Variants in PDZD4 observed in about 807,000 individuals in gnomAD.
The protein encoded by PDZD4 is PDZ domain-containing protein 4.
In PDZD4, 9 loss-of-function variants were observed where a neutral mutation model predicts 38.5. That is an observed-to-expected ratio of 0.23 (90% confidence interval 0.14 to 0.41). The LOEUF is 0.41. Among genes scored for constraint, PDZD4 ranks in the 10% least tolerant of loss-of-function variants. The pLI, the probability that PDZD4 is intolerant of heterozygous loss-of-function variation, is 1.00. For missense variants in PDZD4, 612 were observed against 722.0 expected (o/e 0.85, Z 1.75); for synonymous variants, 349 against 315.7 (o/e 1.11, Z -1.12).
In PDZD4 at chrX:153,830,407, G is replaced by A. The variant is rs1316174751; in HGVS notation, c.-109C>T. ...CCGGGGCCAGGGGCCATACCCTGGC[G>A]CGGGGGGCGGGCCGCCTAGCGGGGG... On this transcript the variant is annotated 5_prime_UTR_variant, in exon 1 of 8. Coordinates refer to ENST00000393758, the MANE Select transcript of PDZD4 (RefSeq NM_001303512.2). 9.3e-6 allele frequency: 6 copies of A among 643,774 alleles called. No individual in the cohort carries two copies. The highest frequency in any genetic ancestry group is 2.9e-5 in the South Asian group (1 of 33,979). The allele number at this position is 643,774 out of a possible 1,213,427, so 53.1% of individuals were successfully genotyped here. A position where few individuals can be genotyped will look rare whatever the true frequency, so the allele number is the denominator to read the frequency against.
rs1294214272 is a variant in PDZD4, at chrX:153,802,558, C to T, written c.*795G>A. 8.9e-6 allele frequency: 1 copy of T among 111,811 alleles called. No individual in the cohort carries two copies. Among genetic ancestry groups the T allele is most frequent in the Non-Finnish European group, 1.9e-5 (1 of 52,976 alleles). 9.2% of individuals were successfully genotyped at this position (111,811 alleles called of 1,213,427 possible). On this transcript the variant is annotated 3_prime_UTR_variant, in exon 8 of 8. Transcript: ENST00000393758. ...TCTTGGTGGACACCCTGCAGGACCCCTCCGTTCCTGCAGTCTTGCTCTCTC... is the reference window on the plus strand; with the variant it reads ...TCTTGGTGGACACCCTGCAGGACCCTTCCGTTCCTGCAGTCTTGCTCTCTC...
intron 1 of PDZD4, among the ~76,000 whole-genome samples, chrX:153,810,053 G>A (rs1428062973): frequency 9.8e-5 from 11 of 112,517 alleles, no homozygotes; most frequent in African/African-American, 3.5e-4. Flanking sequence ...GAGAAGGGAC[G>A]AATGACTAAG....
intron 1 of PDZD4, among the ~76,000 whole-genome samples, chrX:153,829,126 G>A (rs2064512611): frequency 9.0e-6 from 1 of 111,182 alleles, no homozygotes; most frequent in South Asian, 3.9e-4. Context: ...CGCACCAGGT[G>A]GCCAGAGGAG....
chrX:153,806,707 T>A (rs1557077140), intron 4 of PDZD4, 35 bp downstream of exon 4: 2 of 1,167,372 alleles, frequency 1.7e-6, no homozygotes, highest in African/African-American at 3.6e-5. Context: ...GCCATGTGGA[T>A]GGGCCTCGGG....
chrX:153,830,081 C>T, intron 1 of PDZD4, 158 bp downstream of exon 1: 1 of 571,239 alleles, frequency 1.8e-6, no homozygotes, highest in Non-Finnish European at 2.5e-6. Context: ...CACGGAGCGC[C>T]AACACCCAAC....
In PDZD4 at chrX:153,811,335, C is replaced by A. The variant is rs782382299; in HGVS notation, c.61-2740G>T. ...TATTTTTAGTAGAGATGGGGTTTCA[C>A]TATGTTGGCCAGGATGGTCTCAAAC... On this transcript the variant is annotated intron_variant, in intron 1 of 7. Coordinates refer to ENST00000393758, the MANE Select transcript of PDZD4 (RefSeq NM_001303512.2). Among the ~76,000 whole-genome samples, 15 of 111,715 alleles carry A rather than the reference C, an allele frequency of 1.3e-4. No individual in the cohort carries two copies. In the East Asian group the frequency reaches 4.2e-3, roughly 31 times the overall value.
intron 1 of PDZD4, among the ~76,000 whole-genome samples, chrX:153,817,299 T>G (rs782218714): frequency 7.1e-5 from 8 of 111,965 alleles, no homozygotes; most frequent in Admixed American, 2.8e-4. Flanking sequence ...GTATCCATAG[T>G]TGAGAACAGG....
chrX:153,823,256 G>C (rs976994240), intron 1 of PDZD4, among the ~76,000 whole-genome samples: 1 of 104,597 alleles, frequency 9.6e-6, no homozygotes, highest in African/African-American at 3.5e-5. Flanking sequence ...ATGGAGTTTC[G>C]AGCCCAAGCT....
Position 153,830,512 on chromosome X carries a change from T to G in PDZD4, c.-214A>C. ...CGCTGGCCGAGGCCAGGCGCGGGCA[T>G]GCTCCCTCGCACCCGGCCAGGAGAA... On this transcript the variant is annotated 5_prime_UTR_variant, in exon 1 of 8. It removes an upstream start codon present in the reference 5' UTR. Coordinates refer to ENST00000393758, the MANE Select transcript of PDZD4 (RefSeq NM_001303512.2). 3 of 310,208 alleles carry G rather than the reference T, an allele frequency of 9.7e-6. No homozygotes were observed. The highest frequency in any genetic ancestry group is 1.7e-5 in the Non-Finnish European group (3 of 176,709). 25.6% of individuals were successfully genotyped at this position (310,208 alleles called of 1,213,427 possible). A position where few individuals can be genotyped will look rare whatever the true frequency, so the allele number is the denominator to read the frequency against.
intron 1 of PDZD4, among the ~76,000 whole-genome samples, chrX:153,817,247 C>A (rs1214209353): frequency 8.9e-6 from 1 of 111,815 alleles, no homozygotes; most frequent in Admixed American, 9.5e-5. Context: ...GAACTGAGAA[C>A]AGGCGTGCAA....
At position 153,804,780 on chromosome X, in the gene PDZD4, G is replaced by C. The variant is rs782665663; in HGVS notation, c.901C>G (p.His301Asp). 8.3e-7 allele frequency: 1 copy of C among 1,211,513 alleles called. No homozygotes were observed. The highest frequency in any genetic ancestry group is 1.8e-5 in the South Asian group (1 of 57,048). The change falls in exon 8 of 8, where the codon CAC becomes GAC. Residue 301 changes from histidine to aspartate, a missense_variant. By Grantham distance (81) the His-to-Asp change is moderately conservative (BLOSUM62 -1). Around this residue, in one of 3 missense-constraint regions of PDZD4, gnomAD observed 225 missense variants for 311.0 expected, o/e 0.72. Coordinates refer to ENST00000393758, the MANE Select transcript of PDZD4 (RefSeq NM_001303512.2). ...GGGGGTTCGTCCCCCAGCAGGTCGTGCTCAGAGCTCTCTTCGTTCCGGGTG... is the reference window on the plus strand; with the variant it reads ...GGGGGTTCGTCCCCCAGCAGGTCGTCCTCAGAGCTCTCTTCGTTCCGGGTG... ...ESTRNEESSE[H>D]DLLGDEPPSS... is the part of the protein sequence containing the mutation.
chrX:153,812,620 T>TCTC (rs1298353640), intron 1 of PDZD4, among the ~76,000 whole-genome samples: 1 of 110,424 alleles, frequency 9.1e-6, no homozygotes, highest in Non-Finnish European at 1.9e-5. Flanking sequence ...TCTCTCTCTC[T>TCTC]CTCCTCCTCA....
rs575555840 is a variant in PDZD4 at position 153,803,839 on chromosome X, C to G, written c.1842G>C (p.Arg614=). The G allele has an allele frequency of 1.3e-5, 15 of 1,192,266 alleles. No individual in the cohort carries two copies. Among genetic ancestry groups the G allele is most frequent in the Middle Eastern group, 4.7e-4 (2 of 4,232 alleles). The change falls in exon 8 of 8, where the codon CGG becomes CGC. Residue 614 remains arginine, a synonymous_variant. Transcript: ENST00000393758. The part of the protein sequence containing the change: ...HGPLSLAGGP[R]VGGVAAAATE... ...TGGCCGCGGCCGCCACCCCGCCCAC[C>G]CGAGGGCCACCGGCCAAGCTCAGGG...
intron 1 of PDZD4, among the ~76,000 whole-genome samples, chrX:153,826,801 TACTC>T (rs2064487034): frequency 9.0e-6 from 1 of 111,638 alleles, no homozygotes; most frequent in Non-Finnish European, 1.9e-5. Context: ...ATAAAGAAAA[TACTC>T]ATGAATAAAC....
At position 153,804,796 on chromosome X, in the gene PDZD4, G is replaced by A; in HGVS notation, c.885C>T (p.Asn295=). Residue 295 remains asparagine (N), a synonymous_variant, in exon 8 of 8, where the codon AAC becomes AAT. Transcript: ENST00000393758. The part of the protein sequence containing the change: ...GVGRTDESTR[N]EESSEHDLLG... Reference sequence around the variant, plus strand: ...GCAGGTCGTGCTCAGAGCTCTCTTCGTTCCGGGTGCTCTCGTCAGTCCGGC... The same window carrying A: ...GCAGGTCGTGCTCAGAGCTCTCTTCATTCCGGGTGCTCTCGTCAGTCCGGC... 4 of 1,211,458 alleles carry A rather than the reference G, an allele frequency of 3.3e-6. No homozygotes were observed. Among genetic ancestry groups the A allele is most frequent in the South Asian group, 3.5e-5 (2 of 57,046 alleles).
intron 1 of PDZD4, among the ~76,000 whole-genome samples, chrX:153,823,632 G>A (rs1029884914): frequency 4.4e-5 from 5 of 112,459 alleles, no homozygotes; most frequent in Middle Eastern, 4.6e-3. Context: ...GATTACAGGC[G>A]TGAGCCACCG....
chrX:153,810,767 G>T (rs1253334108), intron 1 of PDZD4, among the ~76,000 whole-genome samples: 2 of 112,237 alleles, frequency 1.8e-5, no homozygotes, highest in Non-Finnish European at 1.9e-5. Flanking sequence ...AGCTATCTGA[G>T]GAGAGCCCAG....
Position 153,823,091 on chromosome X carries a change from T to A in PDZD4, c.60+7148A>T, listed in dbSNP as rs111248423. On this transcript the variant is annotated intron_variant, in intron 1 of 7. Transcript: ENST00000393758. ...TTTATTTATTTGAGACAGGGTCTCGTTCTGTCACCTAGGCTGGAGTGCAGT... is the reference window on the plus strand; with the variant it reads ...TTTATTTATTTGAGACAGGGTCTCGATCTGTCACCTAGGCTGGAGTGCAGT... Among the ~76,000 whole-genome samples the A allele has an allele frequency of 9.3e-3, 1,024 of 110,118 alleles. 17 individuals carry two copies. Among genetic ancestry groups the A allele is most frequent in the African/African-American group, 0.032 (975 of 30,256 alleles).
intron 1 of PDZD4, among the ~76,000 whole-genome samples, chrX:153,817,567 G>T (rs1557080272): frequency 8.9e-6 from 1 of 112,120 alleles, no homozygotes; most frequent in African/African-American, 3.2e-5. Flanking sequence ...CACTGCTGAG[G>T]GATATGAGGT....
Sources: allele counts gnomAD v4.1 joint callset (sites outside exome capture counted in the v4.1 genomes callset), GRCh38; gene constraint gnomAD v4.1.1; regional missense constraint gnomAD v4.1.1; transcripts MANE v1.5; gene names NCBI Gene and HGNC (gene_info 2026-07-23, HGNC 2026-07-21).